SASH1: variants seen among roughly 807,000 people sequenced by gnomAD.
SASH1 encodes SAM and SH3 domain-containing protein 1.
In SASH1, 44 loss-of-function variants were observed where a neutral mutation model predicts 125.2. The observed-to-expected ratio is 0.35, with a 90% CI of 0.28 to 0.45. The LOEUF (loss-of-function observed/expected upper bound fraction) is 0.45. SASH1 is among the 20% of genes least tolerant of loss of function. The pLI is 1.00. For missense variants in SASH1, 1,426 were observed against 1,614.5 expected, an observed-to-expected ratio of 0.88 and a Z score of 2.00; for synonymous variants, 639 against 649.1, an observed-to-expected ratio of 0.98 and a Z score of 0.24.
intron 1 of SASH1, among the ~76,000 whole-genome samples, chr6:148,369,140 G>GA (rs1038873801): frequency 1.2e-4 from 19 of 152,322 alleles, no homozygotes; most frequent in African/African-American, 4.3e-4. Flanking sequence ...GAAACAACTA[G>GA]AAATCATCAG....
At chr6:148,397,414 G>C (rs1422476379) in intron 2 of SASH1, among the ~76,000 whole-genome samples, 2 of 152,118 alleles carry the variant, frequency 1.3e-5, no homozygotes, top group African/African-American at 2.4e-5. Context: ...GAACACTGGA[G>C]GTGGAGGTTG....
At chr6:148,487,474 C>T (rs117125897) in intron 7 of SASH1, 140 bp from the exon 8 acceptor site, 11,236 of 621,134 alleles carry the variant, frequency 0.018, 139 homozygotes, top group Non-Finnish European at 0.021. Context: ...AAGAAGGTAC[C>T]CAAAGTGATC....
At chr6:148,537,012 G>A (rs1781884849) in intron 16 of SASH1, among the ~76,000 whole-genome samples, 6 of 152,194 alleles carry the variant, frequency 3.9e-5, no homozygotes. Flanking sequence ...TTAGTGCCAA[G>A]AGTCAGGGTC....
intron 1 of SASH1, among the ~76,000 whole-genome samples, chr6:148,293,803 A>G (rs568767937): frequency 6.6e-6 from 1 of 152,360 alleles, no homozygotes; most frequent in South Asian, 2.1e-4. Flanking sequence ...ATGCTGTTAT[A>G]GTCCTTACCT....
intron 2 of SASH1, among the ~76,000 whole-genome samples, chr6:148,424,809 A>G (rs1482036644): frequency 6.6e-6 from 1 of 152,186 alleles, no homozygotes; most frequent in Non-Finnish European, 1.5e-5. Context: ...AGCTCTGAGC[A>G]GCCTTCTTTG....
intron 1 of SASH1, among the ~76,000 whole-genome samples, chr6:148,319,188 A>G (rs937289476): frequency 2.6e-5 from 4 of 151,162 alleles, no homozygotes; most frequent in African/African-American, 9.7e-5. Context: ...GCCCACCACC[A>G]CGTCCGGCTA....
At chr6:148,416,056 G>A (rs1784804145) in intron 2 of SASH1, among the ~76,000 whole-genome samples, 1 of 152,200 alleles carries the variant, frequency 6.6e-6, no homozygotes, top group Non-Finnish European at 1.5e-5. Context: ...TCTGTCCAGG[G>A]CTTTAGAAAA....
In SASH1 at chr6:148,343,163, G is replaced by A. The variant is rs1268515138; in HGVS notation, c.96G>A (p.Lys32=). The change falls in exon 1 of 20, where the codon AAG becomes AAA. Residue 32 remains lysine, a synonymous_variant. Coordinates refer to ENST00000367467, the MANE Select transcript of SASH1 (RefSeq NM_015278.5). ...EPAPEPEPEP[K]PGAGTSEAFS... is the part of the protein sequence containing the mutation. The stretch of plus-strand genomic sequence containing the variant: ...CGCCGGAGCCGGAACCGGAGCCCAA[G>A]CCGGGTGCTGGCACATCCGAGGCGT... The A allele has an allele frequency of 6.2e-7, 1 of 1,600,304 alleles. No homozygotes were observed. Among genetic ancestry groups the A allele is most frequent in the Admixed American group, 1.7e-5 (1 of 59,920 alleles).
At chr6:148,302,820 G>GTATATATATATATA (rs71031062) in intron 1 of SASH1, among the ~76,000 whole-genome samples, 4 of 143,958 alleles carry the variant, frequency 2.8e-5, no homozygotes, top group Middle Eastern at 3.6e-3. Flanking sequence ...GACCTCAGGA[G>GTATATATATATATA]TATATATATA....
chr6:148,229,133 C>CAAAAAAAAAAAAAAAAAA, the SASH1 span, among the ~76,000 whole-genome samples: 1 of 60,968 alleles, frequency 1.6e-5, no homozygotes, highest in African/African-American at 6.6e-5. Context: ...GACTCCATCT[C>CAAAAAAAAAAAAAAAAAA]AAAAAAAAAA....
At chr6:148,231,992 A>C in the SASH1 span, among the ~76,000 whole-genome samples, 4 of 151,824 alleles carry the variant, frequency 2.6e-5, no homozygotes, top group Admixed American at 6.6e-5. Flanking sequence ...TTGCTAGATA[A>C]GGAAAAAGGC....
chr6:148,216,614 C>T, the SASH1 span, among the ~76,000 whole-genome samples: 4 of 152,164 alleles, frequency 2.6e-5, no homozygotes, highest in Admixed American at 6.5e-5. Flanking sequence ...CAGTCAGGTC[C>T]GTCCAGCCCT....
intron 10 of SASH1, among the ~76,000 whole-genome samples, chr6:148,524,125 T>A (rs1423849103): frequency 7.8e-6 from 1 of 128,084 alleles, no homozygotes. Context: ...ATATATATTT[T>A]TTTTAATGAA....
chr6:148,288,989 C>CT (rs1212905059), intron 1 of SASH1, among the ~76,000 whole-genome samples: 3 of 151,636 alleles, frequency 2.0e-5, no homozygotes, highest in Non-Finnish European at 2.9e-5. Context: ...TGCCCTTTTT[C>CT]TTTTTTTCTT....
At chr6:148,530,409 A>G (rs1008642031) in intron 12 of SASH1, among the ~76,000 whole-genome samples, 6 of 151,534 alleles carry the variant, frequency 4.0e-5, no homozygotes, top group Non-Finnish European at 8.8e-5. Flanking sequence ...TTTTTTTTTA[A>G]GGAATTCATA....
chr6:148,489,850 CTGTGTGTGTGTGTGTG>C (rs151183028), intron 8 of SASH1, among the ~76,000 whole-genome samples: 2 of 136,574 alleles, frequency 1.5e-5, no homozygotes, highest in Non-Finnish European at 3.1e-5. Context: ...GCTATATAGG[CTGTGTGTGTGTGTGTG>C]TGTGTGTGTG....
chr6:148,451,783 A>G (rs1777111424), intron 4 of SASH1, among the ~76,000 whole-genome samples: 1 of 152,226 alleles, frequency 6.6e-6, no homozygotes, highest in African/African-American at 2.4e-5. Context: ...GATTCAGTGA[A>G]AAGGGCTGAT....
At chr6:148,322,571 G>A (rs1055607131) in intron 1 of SASH1, among the ~76,000 whole-genome samples, 13 of 152,214 alleles carry the variant, frequency 8.5e-5, no homozygotes, top group Middle Eastern at 3.4e-3. Context: ...AATTGCAGAG[G>A]CTGGGTAGGG....
chr6:148,333,854 G>A (rs937937418), intron 1 of SASH1, among the ~76,000 whole-genome samples: 2 of 147,448 alleles, frequency 1.4e-5, no homozygotes, highest in Non-Finnish European at 1.5e-5. Flanking sequence ...ACACAGTCAC[G>A]CTGTGTCGCC....
Sources: allele counts gnomAD v4.1 joint callset (sites outside exome capture counted in the v4.1 genomes callset), GRCh38; gene constraint gnomAD v4.1.1; transcripts MANE v1.5; gene names NCBI Gene and HGNC (gene_info 2026-07-23, HGNC 2026-07-21).